Variants in DLC1 observed in about 807,000 individuals in gnomAD.
DLC1 encodes the protein rho GTPase-activating protein 7.
Under a neutral mutation model 140.3 loss-of-function variants are expected in DLC1, and 54 were observed. The observed-to-expected ratio is 0.38, with a 90% CI of 0.31 to 0.48. The LOEUF is 0.48. DLC1 is among the 20% of genes least tolerant of loss of function. DLC1 has a pLI of 0.96. For missense variants in DLC1, 2,536 were observed against 1,907.0 expected (o/e 1.33, Z -6.14); for synonymous variants, 986 against 728.1 (o/e 1.35, Z -5.70).
At chr8:13,401,928 T>G (rs1196729712) in intron 2 of DLC1, among the ~76,000 whole-genome samples, 2 of 152,204 alleles carry the variant, frequency 1.3e-5, no homozygotes, top group Admixed American at 6.5e-5. Context: ...TGGGAAAGGT[T>G]ATATATTTTT....
chr8:13,409,036 T>A (rs1327591809), intron 2 of DLC1, among the ~76,000 whole-genome samples: 3 of 152,106 alleles, frequency 2.0e-5, no homozygotes, highest in Non-Finnish European at 2.9e-5. Flanking sequence ...AAGTCTTGTA[T>A]TGACCTGACT....
intron 5 of DLC1, among the ~76,000 whole-genome samples, chr8:13,288,489 A>G (rs897610403): frequency 6.6e-6 from 1 of 152,260 alleles, no homozygotes; most frequent in South Asian, 2.1e-4. Flanking sequence ...CAGTCTTCTA[A>G]TTTTGCCAAC....
chr8:13,506,984 C>T lies in DLC1; in HGVS notation c.-125-6788G>A, dbSNP rs568390729. Among the ~76,000 whole-genome samples, 32 of 152,048 alleles carry T rather than the reference C, an allele frequency of 2.1e-4. No individual in the cohort carries two copies. The East Asian group carries it at 5.6e-3, about 27-fold the overall frequency. Reference sequence around the variant, plus strand: ...TCACACTTGTACATCGTATGTGCCCCCAAAACACTTACTGAATTGAATTAG... The same window carrying T: ...TCACACTTGTACATCGTATGTGCCCTCAAAACACTTACTGAATTGAATTAG... On this transcript the variant is annotated intron_variant, in intron 1 of 17. Coordinates refer to ENST00000276297, the MANE Select transcript of DLC1 (RefSeq NM_182643.3).
At chr8:13,124,517 C>G (rs986305456) in intron 5 of DLC1, among the ~76,000 whole-genome samples, 1 of 152,176 alleles carries the variant, frequency 6.6e-6, no homozygotes, top group Admixed American at 6.5e-5. Flanking sequence ...CAATGAGCAA[C>G]CAACATTATT....
chr8:13,466,871 C>T (rs1439279765), intron 2 of DLC1, among the ~76,000 whole-genome samples: 1 of 151,806 alleles, frequency 6.6e-6, no homozygotes, highest in Non-Finnish European at 1.5e-5. Context: ...CGTTTTACAC[C>T]CTGTAGACTG....
rs1197046862 is a variant in DLC1 at position 13,453,553 on chromosome 8, TA to T, written c.1023+45495del. ...GTATATATATACATATATATATATATATATTTTTTTTTTTTTTTTTTCAGAT... is the reference window on the plus strand; with the variant it reads ...GTATATATATACATATATATATATATTATTTTTTTTTTTTTTTTTTCAGAT... On this transcript the variant is annotated intron_variant, in intron 2 of 17. Transcript: ENST00000276297. Among the ~76,000 whole-genome samples, 17 of 38,408 alleles carry T rather than the reference TA, an allele frequency of 4.4e-4. 1 individual carries two copies. Among genetic ancestry groups the T allele is most frequent in the African/African-American group, 8.0e-4 (7 of 8,734 alleles). The allele number at this position is 38,408 out of a possible 152,430, so 25.2% of individuals were successfully genotyped here. A position where few individuals can be genotyped will look rare whatever the true frequency, so the allele number is the denominator to read the frequency against.
At chr8:13,366,406 G>C (rs1053424332) in intron 4 of DLC1, among the ~76,000 whole-genome samples, 1 of 152,170 alleles carries the variant, frequency 6.6e-6, no homozygotes, top group African/African-American at 2.4e-5. Context: ...TGCAGTCTAT[G>C]GAAGGTTCTT....
At chr8:13,312,224 G>A (rs962730014) in intron 4 of DLC1, among the ~76,000 whole-genome samples, 2 of 138,044 alleles carry the variant, frequency 1.4e-5, no homozygotes, top group Non-Finnish European at 3.1e-5. Context: ...AGCCGGGCGT[G>A]GTAGCGGGCG....
At chr8:13,326,590 G>C (rs116989954) in intron 4 of DLC1, among the ~76,000 whole-genome samples, 1,935 of 152,270 alleles carry the variant, frequency 0.013, 16 homozygotes, top group Middle Eastern at 0.031. Context: ...TTTGCCAAAA[G>C]AGCCTGACAA....
At chr8:13,409,578 G>C (rs1837699976) in intron 2 of DLC1, among the ~76,000 whole-genome samples, 1 of 152,132 alleles carries the variant, frequency 6.6e-6, no homozygotes, top group Admixed American at 6.5e-5. Flanking sequence ...AAGTGTAACT[G>C]GGTATTTTAT....
At position 13,100,189 on chromosome 8, in the gene DLC1, G is replaced by C. The variant is rs368110933; in HGVS notation, c.2148C>G (p.Ile716Met). ...TGATGCGGTTGCCATTGAGGGCGGAGATCTCCACGCAGTTGAGCTGCTTCA... is the reference window on the plus strand; with the variant it reads ...TGATGCGGTTGCCATTGAGGGCGGACATCTCCACGCAGTTGAGCTGCTTCA... ...EKLKQLNCVE[I>M]SALNGNRINV... The change falls in exon 9 of 18, where the codon ATC (isoleucine) becomes ATG (methionine). Residue 716 changes from isoleucine (I) to methionine (M), a missense_variant. By Grantham distance (10) the Ile-to-Met change is conservative (BLOSUM62 1). Coordinates refer to ENST00000276297, the MANE Select transcript of DLC1 (RefSeq NM_182643.3). The C allele has an allele frequency of 6.2e-7, 1 of 1,614,162 alleles. No individual in the cohort carries two copies. Among genetic ancestry groups the C allele is most frequent in the African/African-American group, 1.3e-5 (1 of 75,042 alleles).
At chr8:13,380,939 A>G (rs575513009) in intron 4 of DLC1, among the ~76,000 whole-genome samples, 72 of 152,314 alleles carry the variant, frequency 4.7e-4, no homozygotes, top group African/African-American at 1.3e-3. Flanking sequence ...CAGTGAAAAC[A>G]TCCACCTCCA....
chr8:13,478,250 TGAGA>T (rs899511328), intron 2 of DLC1, among the ~76,000 whole-genome samples: 1 of 146,874 alleles, frequency 6.8e-6, no homozygotes, highest in African/African-American at 2.5e-5. Context: ...CAGGAGTGAG[TGAGA>T]GAGAGAAGGG....
intron 5 of DLC1, among the ~76,000 whole-genome samples, chr8:13,300,659 G>A (rs1166451709): frequency 6.6e-6 from 1 of 152,106 alleles, no homozygotes; most frequent in Non-Finnish European, 1.5e-5. Flanking sequence ...GGGCAACACA[G>A]ACATGTATCC....
chr8:13,539,750 A>ATGTGTGTGTGTGTG (rs71207162), intron 1 of DLC1, among the ~76,000 whole-genome samples: 4 of 147,176 alleles, frequency 2.7e-5, no homozygotes, highest in Non-Finnish European at 4.5e-5. Flanking sequence ...ATGTGTGTGT[A>ATGTGTGTGTGTGTG]TGTGTGTGTG....
intron 2 of DLC1, among the ~76,000 whole-genome samples, chr8:13,428,360 G>C (rs185354221): frequency 3.8e-4 from 58 of 152,210 alleles, no homozygotes; most frequent in Middle Eastern, 3.4e-3. Flanking sequence ...AATAGGCATG[G>C]CTTGAGAGGA....
At chr8:13,115,487 A>C (rs1191869436) in intron 6 of DLC1, 99 bp downstream of exon 6, 2 of 1,143,494 alleles carry the variant, frequency 1.7e-6, no homozygotes, top group East Asian at 2.6e-5. Flanking sequence ...TAAAACATTT[A>C]AACGATAAAA....
chr8:13,547,888 G>A (rs986899282), intron 1 of DLC1, among the ~76,000 whole-genome samples: 3 of 5,968 alleles, frequency 5.0e-4, no homozygotes, highest in Non-Finnish European at 9.0e-4. Context: ...TTCCTTTCTT[G>A]GAATCTCTCT....
chr8:13,282,276 C>A (rs1014124667), intron 5 of DLC1, among the ~76,000 whole-genome samples: 16 of 152,202 alleles, frequency 1.1e-4, no homozygotes, highest in African/African-American at 3.6e-4. Flanking sequence ...TCGATCATTT[C>A]TTTTCCACTC....
Sources: allele counts gnomAD v4.1 joint callset (sites outside exome capture counted in the v4.1 genomes callset), GRCh38; gene constraint gnomAD v4.1.1; transcripts MANE v1.5; gene names NCBI Gene and HGNC (gene_info 2026-07-23, HGNC 2026-07-21).